VPS41: variants seen among roughly 807,000 people sequenced by gnomAD.
The protein encoded by VPS41 is vacuolar protein sorting-associated protein 41 homolog.
Under a neutral mutation model 130.9 loss-of-function variants are expected in VPS41, and 85 were observed. That is an observed-to-expected ratio of 0.65 (90% CI 0.55 to 0.78). The LOEUF (loss-of-function observed/expected upper bound fraction) is 0.78. Among genes scored for constraint, VPS41 ranks in the 30% least tolerant of loss-of-function variants. The probability of loss-of-function intolerance (pLI) is 0.00; values close to 1 mark genes in which losing one functional copy is unlikely to be tolerated. For missense variants in VPS41, 874 were observed against 1,018.7 expected, an observed-to-expected ratio of 0.86 and a Z score of 1.93; for synonymous variants, 335 against 332.9, an observed-to-expected ratio of 1.01 and a Z score of -0.07.
chr7:38,759,171 G>A (rs957016867), intron 17 of VPS41, among the ~76,000 whole-genome samples: 3 of 152,246 alleles, frequency 2.0e-5, no homozygotes, highest in Non-Finnish European at 4.4e-5. Context: ...TGATTGGTAT[G>A]TCTGAAGTGG....
At chr7:38,815,190 G>A (rs1051781802) in intron 7 of VPS41, among the ~76,000 whole-genome samples, 27 of 152,168 alleles carry the variant, frequency 1.8e-4, no homozygotes, top group African/African-American at 5.3e-4. Context: ...TTGGGAGGCC[G>A]AGGTGGGCTG....
intron 4 of VPS41, among the ~76,000 whole-genome samples, chr7:38,856,086 G>T (rs1197641474): frequency 6.6e-6 from 1 of 152,134 alleles, no homozygotes; most frequent in Non-Finnish European, 1.5e-5. Flanking sequence ...GGTCTCTCCT[G>T]TCTCTTCTTA....
In VPS41 at chr7:38,728,673, T is replaced by C; in HGVS notation, c.2359+19A>G. ...AAGCAGGGCACGTGGTTCCATATGA[T>C]TATTTCAATTTTACCCACCATCAAC... On this transcript the variant is annotated intron_variant, in intron 26 of 28. Coordinates refer to ENST00000310301, the MANE Select transcript of VPS41 (RefSeq NM_014396.4). The C allele has an allele frequency of 6.2e-7, 1 of 1,614,020 alleles. No homozygotes were observed. Among genetic ancestry groups the C allele is most frequent in the Non-Finnish European group, 8.5e-7 (1 of 1,179,864 alleles).
chr7:38,763,343 G>T, intron 17 of VPS41, 112 bp downstream of exon 17: 1 of 628,624 alleles, frequency 1.6e-6, no homozygotes. Context: ...CCTGCCACAT[G>T]CAAACTACAA....
At chr7:38,789,964 A>G in intron 9 of VPS41, 97 bp from the exon 10 acceptor site, 1 of 1,209,984 alleles carries the variant, frequency 8.3e-7, no homozygotes, top group Non-Finnish European at 1.2e-6. Flanking sequence ...TTAACCTTGT[A>G]GCACTGCAGA....
chr7:38,782,312 C>G (rs1784367313), intron 10 of VPS41, among the ~76,000 whole-genome samples: 1 of 152,204 alleles, frequency 6.6e-6, no homozygotes, highest in Non-Finnish European at 1.5e-5. Context: ...AACTGGCTAT[C>G]TTGGAGTTCC....
intron 14 of VPS41, among the ~76,000 whole-genome samples, chr7:38,767,986 T>C (rs1463057532): frequency 6.6e-6 from 1 of 152,206 alleles, no homozygotes; most frequent in Non-Finnish European, 1.5e-5. Context: ...GAATGCAAGC[T>C]ACCTACTTCT....
intron 1 of VPS41, among the ~76,000 whole-genome samples, chr7:38,905,315 G>A (rs753903799): frequency 6.6e-6 from 1 of 152,194 alleles, no homozygotes; most frequent in African/African-American, 2.4e-5. Flanking sequence ...TTGGGCATCT[G>A]TGAATATGAA....
At chr7:38,778,523 A>G (rs1199876885) in intron 10 of VPS41, among the ~76,000 whole-genome samples, 1 of 152,226 alleles carries the variant, frequency 6.6e-6, no homozygotes, top group Non-Finnish European at 1.5e-5. Flanking sequence ...TAGAAGACAT[A>G]TTAACAAGAG....
chr7:38,763,600 T>A lies in VPS41; in HGVS notation c.1330-53A>T, dbSNP rs199938837. ...CCATTAAAATATGAAAAAACAAAAC[T>A]GCATTCCAATTATGCAGAAAACATA... On this transcript the variant is annotated intron_variant, in intron 16 of 28. Transcript: ENST00000310301. The A allele has an allele frequency of 2.6e-4, 291 of 1,113,720 alleles. 3 individuals carry two copies. In the East Asian group the frequency reaches 7.0e-3, roughly 27 times the overall value. 69.0% of individuals were successfully genotyped at this position (1,113,720 alleles called of 1,614,324 possible).
intron 3 of VPS41, among the ~76,000 whole-genome samples, 191 bp downstream of exon 3, chr7:38,868,955 T>C (rs1013721004): frequency 6.6e-6 from 1 of 152,220 alleles, no homozygotes; most frequent in Non-Finnish European, 1.5e-5. Context: ...GAGTGTGTTG[T>C]ATGTGTGTGA....
chr7:38,858,260 T>C (rs576992602), intron 4 of VPS41, among the ~76,000 whole-genome samples: 15 of 152,356 alleles, frequency 9.8e-5, no homozygotes, highest in Non-Finnish European at 1.8e-4. Context: ...GCAAAATACT[T>C]TGACTTCTTT....
chr7:38,783,574 C>G (rs1784390537), intron 10 of VPS41, among the ~76,000 whole-genome samples: 1 of 151,818 alleles, frequency 6.6e-6, no homozygotes, highest in Non-Finnish European at 1.5e-5. Context: ...ATGCTATGTG[C>G]AAAAACAGGA....
rs770898978 is a variant in VPS41, at chr7:38,726,275, C to T, written c.2536G>A (p.Gly846Arg). 9.3e-6 allele frequency: 15 copies of T among 1,614,002 alleles called. No individual in the cohort carries two copies. The South Asian group carries it at 1.6e-4, about 18-fold the overall frequency. ...TTTTTCATCTCCAAAATTGCACTTC[C>T]TGGTCCACGGTTCTTAGCACTGCAG... Reference protein sequence around the residue: ...NICSAKNRGPGSAILEMKK With the variant: ...NICSAKNRGPRSAILEMKK Residue 846 changes from glycine to arginine, a missense_variant, in exon 29 of 29, where the codon GGA becomes AGA. Gly to Arg is a moderately radical substitution (Grantham distance 125). Transcript: ENST00000310301.
Position 38,767,596 on chromosome 7 carries a change from A to G in VPS41, c.1188T>C (p.Asp396=). 6.2e-7 allele frequency: 1 copy of G among 1,608,426 alleles called. No homozygotes were observed. Residue 396 remains aspartate (D), a splice_region_variant and synonymous_variant, in exon 15 of 29, where the codon GAT becomes GAC. Coordinates refer to ENST00000310301, the MANE Select transcript of VPS41 (RefSeq NM_014396.4). ...GGTGATTTATATATGCCAAGCCAATATCCTAGAGAAAGCCAAATGAAGAAA... is the reference window on the plus strand; with the variant it reads ...GGTGATTTATATATGCCAAGCCAATGTCCTAGAGAAAGCCAAATGAAGAAA... ...QKNIKRHKIL[D]IGLAYINHLV...
At chr7:38,889,647 C>G (rs7799887) in intron 2 of VPS41, among the ~76,000 whole-genome samples, 134,611 of 151,776 alleles carry the variant, frequency 0.89, 59,768 homozygotes, top group East Asian at 1. Context: ...CTAAGAATTT[C>G]TCACTTGCAA....
chr7:38,764,065 C>T (rs1004272818), intron 16 of VPS41, among the ~76,000 whole-genome samples: 1 of 152,202 alleles, frequency 6.6e-6, no homozygotes, highest in African/African-American at 2.4e-5. Flanking sequence ...ACAATCCAAT[C>T]ACCACACTTT....
At chr7:38,747,074 A>C (rs577640419) in intron 22 of VPS41, among the ~76,000 whole-genome samples, 1 of 152,308 alleles carries the variant, frequency 6.6e-6, no homozygotes, top group Admixed American at 6.5e-5. Flanking sequence ...ATCCTAGCTA[A>C]TACCGAGAAA....
intron 2 of VPS41, among the ~76,000 whole-genome samples, chr7:38,875,826 AT>A (rs1348361807): frequency 6.6e-6 from 1 of 152,246 alleles, no homozygotes; most frequent in East Asian, 1.9e-4. Flanking sequence ...ATGTTGTTAA[AT>A]TTTCAACTTA....
Sources: gnomAD v4.1 joint callset for allele counts (sites outside exome capture counted in the v4.1 genomes callset) on GRCh38, gnomAD v4.1.1 for gene constraint, MANE v1.5 for transcripts, NCBI Gene and HGNC (gene_info 2026-07-23, HGNC 2026-07-21) for gene names.